The following ABHD12 variants were observed in gnomAD, a reference collection of about 807,000 sequenced individuals.
The protein encoded by ABHD12 is abhydrolase domain containing 12, lysophospholipase, also known as lysophosphatidylserine lipase ABHD12.
ABHD12 carries 43 observed loss-of-function variants against 58.3 expected under a neutral mutation model. The observed-to-expected ratio is 0.74, with a 90% CI of 0.58 to 0.95. ABHD12 has a LOEUF of 0.95. Among genes scored for constraint, ABHD12 ranks in the 40% least tolerant of loss-of-function variants. The pLI, the probability that ABHD12 is intolerant of heterozygous loss-of-function variation, is 0.00. For missense variants in ABHD12, 539 were observed against 537.2 expected (o/e 1.00, Z -0.03); for synonymous variants, 219 against 211.2 (o/e 1.04, Z -0.32).
At chr20:25,341,253 T>C (rs962283398) in intron 1 of ABHD12, among the ~76,000 whole-genome samples, 1 of 152,210 alleles carries the variant, frequency 6.6e-6, no homozygotes, top group Non-Finnish European at 1.5e-5. Flanking sequence ...AGGTACCTGC[T>C]GCTGGGGATA....
At chr20:25,384,488 T>A in intron 1 of ABHD12, among the ~76,000 whole-genome samples, 1 of 151,248 alleles carries the variant, frequency 6.6e-6, no homozygotes, top group Non-Finnish European at 1.5e-5. Flanking sequence ...CTCATGCCTG[T>A]AATCCCAGCA....
chr20:25,294,779 A>G, exon 13 of ABHD12: 1 of 686,290 alleles, frequency 1.5e-6, no homozygotes, highest in Non-Finnish European at 2.7e-6. Context: ...ATTTCAGTGC[A>G]GTTAGCACAT....
chr20:25,313,513 T>TCC lies in ABHD12; in HGVS notation c.619+1410_619+1411dup, dbSNP rs1174997981. On this transcript the variant is annotated intron_variant, in intron 6 of 12. Coordinates refer to ENST00000339157, the MANE Select transcript of ABHD12 (RefSeq NM_001042472.3). ...TGTTCACTTGTTTATCTGCTGACCT[T>TCC]CCCTCCACTATTGTCCTATGACCCT... is the stretch of plus-strand genomic sequence containing the variant. Among the ~76,000 whole-genome samples, 9 of 119,840 alleles carry TCC rather than the reference T, an allele frequency of 7.5e-5. No homozygotes were observed. The East Asian group carries it at 2.1e-3, about 28-fold the overall frequency. The allele number at this position is 119,840 out of a possible 152,430, so 78.6% of individuals were successfully genotyped here.
At chr20:25,295,568 T>G (rs1468011705), downstream of ABHD12, 3 of 1,592,966 alleles carry the variant, frequency 1.9e-6, no homozygotes, top group Admixed American at 5.0e-5. Context: ...CAGGGCTCCC[T>G]GCTGCCCTGG....
downstream of ABHD12, among the ~76,000 whole-genome samples, chr20:25,298,605 C>T (rs550926399): frequency 5.9e-5 from 9 of 152,332 alleles, no homozygotes; most frequent in African/African-American, 2.2e-4. Flanking sequence ...CCAGCCATTA[C>T]TAAACATGCT....
chr20:25,386,123 T>A (rs986390333), intron 1 of ABHD12, among the ~76,000 whole-genome samples: 4 of 147,372 alleles, frequency 2.7e-5, no homozygotes, highest in African/African-American at 7.5e-5. Context: ...ATAATAATAA[T>A]AAAAATAAAA....
intron 1 of ABHD12, among the ~76,000 whole-genome samples, chr20:25,369,701 T>G (rs1407552169): frequency 6.6e-6 from 1 of 152,208 alleles, no homozygotes; most frequent in Non-Finnish European, 1.5e-5. Context: ...TTTAAATAGC[T>G]ACACATGCAT....
intron 7 of ABHD12, 132 bp from the exon 8 acceptor site, chr20:25,308,626 G>A (rs1475730911): frequency 8.8e-7 from 1 of 1,132,102 alleles, no homozygotes; most frequent in Non-Finnish European, 1.3e-6. Flanking sequence ...CAGAGTGGGG[G>A]AAATGGAGAT....
chr20:25,361,996 C>G (rs539577850), intron 1 of ABHD12, among the ~76,000 whole-genome samples: 1 of 151,880 alleles, frequency 6.6e-6, no homozygotes, highest in Admixed American at 6.6e-5. Context: ...ATCTTACACC[C>G]GGGCACGGTG....
At chr20:25,305,560 A>G (rs2088721208) in intron 10 of ABHD12, among the ~76,000 whole-genome samples, 1 of 151,730 alleles carries the variant, frequency 6.6e-6, no homozygotes, top group Non-Finnish European at 1.5e-5. Flanking sequence ...ACAGGGTTTC[A>G]CTGTGTTAGC....
intron 2 of ABHD12, among the ~76,000 whole-genome samples, chr20:25,325,003 TGATACCAGCCTGG>T (rs145473114): frequency 0.011 from 1,694 of 151,962 alleles, 32 homozygotes; most frequent in African/African-American, 0.036. Flanking sequence ...CTGGATTTTT[TGATACCAGCCTGG>T]GCAACACGGC....
At chr20:25,308,604 G>T in intron 7 of ABHD12, 110 bp from the exon 8 acceptor site, 2 of 1,328,086 alleles carry the variant, frequency 1.5e-6, no homozygotes, top group Non-Finnish European at 2.1e-6. Context: ...TGAAGCTACT[G>T]GAGTTTCAGG....
downstream of ABHD12, among the ~76,000 whole-genome samples, chr20:25,298,847 T>C (rs574281603): frequency 4.5e-4 from 69 of 152,330 alleles, 1 homozygote; most frequent in East Asian, 0.013. Flanking sequence ...GACCTGGTCG[T>C]GCAGGGGTTG....
rs1372331246 is a variant in ABHD12, at chr20:25,300,525, T to A, written c.*320A>T. 2 of 1,203,268 alleles carry A rather than the reference T, an allele frequency of 1.7e-6. No homozygotes were observed. The highest frequency in any genetic ancestry group is 2.1e-6 in the Non-Finnish European group (2 of 962,338). 74.5% of individuals were successfully genotyped at this position (1,203,268 alleles called of 1,614,324 possible). A position where few individuals can be genotyped will look rare whatever the true frequency, so the allele number is the denominator to read the frequency against. On this transcript the variant is annotated 3_prime_UTR_variant, in exon 13 of 13. Transcript: ENST00000339157. ...AAGAGTCCCCTGCCCGGACTCCCCC[T>A]GTCCAGCTCAGTGCAGCATCAAGCA... is the stretch of plus-strand genomic sequence containing the variant.
intron 1 of ABHD12, among the ~76,000 whole-genome samples, chr20:25,377,041 G>C (rs2089970244): frequency 6.6e-6 from 1 of 152,228 alleles, no homozygotes; most frequent in African/African-American, 2.4e-5. Flanking sequence ...CTCATACCTG[G>C]AGATGCTTCC....
At chr20:25,313,042 T>C (rs1192065614) in intron 6 of ABHD12, among the ~76,000 whole-genome samples, 4 of 152,224 alleles carry the variant, frequency 2.6e-5, no homozygotes, top group Admixed American at 2.6e-4. Flanking sequence ...TTCTGGGAAG[T>C]GAGGAGCCCC....
intron 1 of ABHD12, among the ~76,000 whole-genome samples, chr20:25,374,320 G>A (rs1171895411): frequency 2.0e-5 from 3 of 152,066 alleles, no homozygotes; most frequent in Non-Finnish European, 4.4e-5. Flanking sequence ...ATGTTGAATA[G>A]TTGAGCTCTT....
At chr20:25,312,938 C>T (rs183327917) in intron 6 of ABHD12, among the ~76,000 whole-genome samples, 3 of 152,030 alleles carry the variant, frequency 2.0e-5, no homozygotes, top group Admixed American at 2.0e-4. Flanking sequence ...AGGAGCGTCT[C>T]CACCCGCCCC....
At chr20:25,299,493 C>CAA (rs562256712), downstream of ABHD12, among the ~76,000 whole-genome samples, 38 of 139,322 alleles carry the variant, frequency 2.7e-4, no homozygotes, top group African/African-American at 9.7e-4. Flanking sequence ...TTACATAGAC[C>CAA]AAAAAAAAAA....
Sources: allele counts gnomAD v4.1 joint callset (sites outside exome capture counted in the v4.1 genomes callset), GRCh38; gene constraint gnomAD v4.1.1; transcripts MANE v1.5; gene names NCBI Gene and HGNC (gene_info 2026-07-23, HGNC 2026-07-21).